Variants in DCC observed in about 807,000 individuals in gnomAD.
DCC encodes DCC netrin 1 receptor.
Under a neutral mutation model 172.5 loss-of-function variants are expected in DCC, and 58 were observed. That is an observed-to-expected ratio of 0.34 (90% CI 0.27 to 0.42). The LOEUF (loss-of-function observed/expected upper bound fraction) is 0.42. Among genes scored for constraint, DCC ranks in the 10% least tolerant of loss-of-function variants. DCC has a pLI of 1.00. For missense variants in DCC, 1,740 were observed against 1,791.0 expected, an observed-to-expected ratio of 0.97 and a Z score of 0.51; for synonymous variants, 709 against 644.5, an observed-to-expected ratio of 1.10 and a Z score of -1.52.
rs1305705405 is a variant in DCC, at chr18:53,292,532, CA to C, written c.1912-13040del. Among the ~76,000 whole-genome samples the C allele has an allele frequency of 2.0e-5, 3 of 151,970 alleles. No homozygotes were observed. The East Asian group carries it at 5.8e-4, about 29-fold the overall frequency. On this transcript the variant is annotated intron_variant, in intron 12 of 28. Coordinates refer to ENST00000442544, the MANE Select transcript of DCC (RefSeq NM_005215.4). The stretch of plus-strand genomic sequence containing the variant: ...CAAAACCCTGTCTCCACTAAACATA[CA>C]AAAAATTATCCAGGCATGGGTGGTG...
chr18:53,268,619 A>G (rs1300996219), intron 12 of DCC, among the ~76,000 whole-genome samples: 1 of 152,144 alleles, frequency 6.6e-6, no homozygotes, highest in Non-Finnish European at 1.5e-5. Context: ...TGGCCTTGAA[A>G]AAAAATGGCG....
At chr18:52,724,534 G>T (rs2036523341) in intron 1 of DCC, among the ~76,000 whole-genome samples, 1 of 151,918 alleles carries the variant, frequency 6.6e-6, no homozygotes, top group African/African-American at 2.4e-5. Flanking sequence ...AATTTCCTGT[G>T]GTTGCTCAGA....
At chr18:53,120,668 T>C (rs926729421) in intron 7 of DCC, among the ~76,000 whole-genome samples, 1 of 151,816 alleles carries the variant, frequency 6.6e-6, no homozygotes, top group African/African-American at 2.4e-5. Flanking sequence ...AGCTATGATA[T>C]ATCTTGCTGC....
intron 18 of DCC, among the ~76,000 whole-genome samples, chr18:53,402,197 C>T (rs1016011893): frequency 2.0e-5 from 3 of 151,960 alleles, no homozygotes; most frequent in Admixed American, 6.6e-5. Context: ...AATCATCCAG[C>T]GTGGCAACAT....
At chr18:53,319,446 A>G (rs1276978697) in intron 13 of DCC, among the ~76,000 whole-genome samples, 1 of 152,052 alleles carries the variant, frequency 6.6e-6, no homozygotes, top group Non-Finnish European at 1.5e-5. Flanking sequence ...AAGAAAGAAG[A>G]AAAAAAAGCA....
intron 2 of DCC, among the ~76,000 whole-genome samples, chr18:52,802,616 C>A (rs1157682887): frequency 1.5e-5 from 2 of 135,632 alleles, no homozygotes; most frequent in Non-Finnish European, 3.1e-5. Flanking sequence ...GTAATCGGAA[C>A]CACAGGTACA....
chr18:52,827,442 C>A (rs770416578), intron 2 of DCC, among the ~76,000 whole-genome samples: 5 of 152,210 alleles, frequency 3.3e-5, no homozygotes, highest in Non-Finnish European at 5.9e-5. Flanking sequence ...CTAGAGAATT[C>A]TTAAGCAACT....
At chr18:53,273,258 A>G (rs1371554577) in intron 12 of DCC, among the ~76,000 whole-genome samples, 3 of 152,084 alleles carry the variant, frequency 2.0e-5, no homozygotes, top group Admixed American at 6.6e-5. Context: ...TCATAATATG[A>G]AATTATACAT....
intron 1 of DCC, among the ~76,000 whole-genome samples, chr18:52,410,051 A>G (rs996754020): frequency 1.3e-5 from 2 of 152,156 alleles, no homozygotes; most frequent in Admixed American, 1.3e-4. Context: ...CTGTAATGCC[A>G]CATCAGTGTT....
intron 1 of DCC, among the ~76,000 whole-genome samples, chr18:52,500,338 G>C (rs914303726): frequency 6.6e-6 from 1 of 152,174 alleles, no homozygotes; most frequent in Non-Finnish European, 1.5e-5. Context: ...ACTTTGAGCA[G>C]AGCTGTTGAT....
rs1160384975 is a variant in DCC, at chr18:52,696,508, T to C, written c.92-55546T>C. Among the ~76,000 whole-genome samples, 20 of 152,324 alleles carry C rather than the reference T, an allele frequency of 1.3e-4. No homozygotes were observed. The East Asian group carries it at 3.9e-3, about 29-fold the overall frequency. On this transcript the variant is annotated intron_variant, in intron 1 of 28. Transcript: ENST00000442544. Reference sequence around the variant, plus strand: ...CTGCAGTTTTTGTGTTCTGAAGTTGTTCACATGATTAGATTCAGCCTTCTA... The same window carrying C: ...CTGCAGTTTTTGTGTTCTGAAGTTGCTCACATGATTAGATTCAGCCTTCTA...
chr18:53,263,460 G>A (rs2056629890), intron 12 of DCC, among the ~76,000 whole-genome samples: 1 of 152,082 alleles, frequency 6.6e-6, no homozygotes, highest in South Asian at 2.1e-4. Flanking sequence ...CCTGAAGTGT[G>A]TAATTTTAAA....
intron 1 of DCC, among the ~76,000 whole-genome samples, chr18:52,405,715 A>G (rs1307308468): frequency 2.0e-5 from 3 of 151,820 alleles, no homozygotes; most frequent in Admixed American, 1.3e-4. Context: ...ATGGGTAGGA[A>G]GAATCAATAT....
At chr18:53,120,567 A>AGC (rs2043469724) in intron 7 of DCC, among the ~76,000 whole-genome samples, 1 of 149,398 alleles carries the variant, frequency 6.7e-6, no homozygotes, top group African/African-American at 2.6e-5. Flanking sequence ...TTGAATTTAC[A>AGC]AAAAAATCAG....
rs78033996 is a variant in DCC at position 52,522,702 on chromosome 18, A to G, written c.91+181824A>G. On this transcript the variant is annotated intron_variant, in intron 1 of 28. Coordinates refer to ENST00000442544, the MANE Select transcript of DCC (RefSeq NM_005215.4). ...TTGAAAGAAAGGATTGCAGTCATGTATAAATGTCTCATAGCTAGATTAATG... is the reference window on the plus strand; with the variant it reads ...TTGAAAGAAAGGATTGCAGTCATGTGTAAATGTCTCATAGCTAGATTAATG... Among the ~76,000 whole-genome samples the G allele has an allele frequency of 4.4e-3, 668 of 152,322 alleles. 10 individuals carry two copies. The highest frequency in any genetic ancestry group is 0.016 in the African/African-American group (648 of 41,574).
chr18:53,517,443 T>A (rs2046348167), intron 27 of DCC, among the ~76,000 whole-genome samples: 1 of 142,506 alleles, frequency 7.0e-6, no homozygotes. Context: ...AAACTTAAAA[T>A]ATAATAATAA....
At chr18:52,569,688 C>A (rs1482154935) in intron 1 of DCC, among the ~76,000 whole-genome samples, 1 of 151,930 alleles carries the variant, frequency 6.6e-6, no homozygotes, top group East Asian at 1.9e-4. Flanking sequence ...TGGCATTATG[C>A]TAAAAGGGGA....
At chr18:53,156,633 T>C (rs1394585284) in intron 7 of DCC, among the ~76,000 whole-genome samples, 1 of 152,212 alleles carries the variant, frequency 6.6e-6, no homozygotes, top group Admixed American at 6.5e-5. Flanking sequence ...CAGTAATAAC[T>C]GCCCCCAACC....
chr18:53,015,310 T>G (rs1228235714), intron 5 of DCC, among the ~76,000 whole-genome samples: 1 of 152,212 alleles, frequency 6.6e-6, no homozygotes, highest in Non-Finnish European at 1.5e-5. Flanking sequence ...AGTTTTAGAA[T>G]GAACATAAGC....
Sources: gnomAD v4.1 joint callset for allele counts (sites outside exome capture counted in the v4.1 genomes callset) on GRCh38, gnomAD v4.1.1 for gene constraint, MANE v1.5 for transcripts, NCBI Gene and HGNC (gene_info 2026-07-23, HGNC 2026-07-21) for gene names.